COL24A1: variants seen among roughly 807,000 people sequenced by gnomAD.
COL24A1 encodes the protein collagen alpha-1(XXIV) chain.
Under a neutral mutation model 253.9 loss-of-function variants are expected in COL24A1, and 224 were observed. That is an observed-to-expected ratio of 0.88 (90% CI 0.79 to 0.99). The LOEUF is 0.99. Ranked by LOEUF, COL24A1 falls within the 50% of genes least tolerant of loss-of-function variation. The probability of loss-of-function intolerance (pLI) is 0.00; values close to 1 mark genes in which losing one functional copy is unlikely to be tolerated. For synonymous variants in COL24A1, 685 were observed against 673.7 expected, an observed-to-expected ratio of 1.02 and a Z score of -0.26; for missense variants, 2,131 against 2,068.5, an observed-to-expected ratio of 1.03 and a Z score of -0.59.
chr1:85,920,943 AAAAC>A (rs1686396085), intron 24 of COL24A1, among the ~76,000 whole-genome samples: 1 of 152,126 alleles, frequency 6.6e-6, no homozygotes, highest in Non-Finnish European at 1.5e-5. Flanking sequence ...AAAAAAAACA[AAAAC>A]AAAAGAAAGA....
chr1:86,072,552 T>A (rs939993430), intron 7 of COL24A1, among the ~76,000 whole-genome samples: 4 of 152,128 alleles, frequency 2.6e-5, no homozygotes, highest in African/African-American at 9.7e-5. Context: ...TGGCTGTGGG[T>A]GCAGCTTCAG....
At chr1:85,819,559 G>GT (rs945099123) in intron 45 of COL24A1, among the ~76,000 whole-genome samples, 1 of 152,018 alleles carries the variant, frequency 6.6e-6, no homozygotes, top group African/African-American at 2.4e-5. Flanking sequence ...TCAAAATCAT[G>GT]TTTTTTAAAC....
At chr1:86,048,737 G>A (rs1422685734) in intron 11 of COL24A1, among the ~76,000 whole-genome samples, 3 of 152,064 alleles carry the variant, frequency 2.0e-5, no homozygotes, top group East Asian at 1.9e-4. Context: ...TGATCCACCC[G>A]CCTCGGCCTC....
rs1236503140 is a variant in COL24A1 at position 86,156,424 on chromosome 1, C to A, written c.-28G>T. The stretch of plus-strand genomic sequence containing the variant: ...GTATGCATTTGTCCGTGCAGCAAAG[C>A]GCTAACGGAAAACAGAAGCCAACTC... On this transcript the variant is annotated 5_prime_UTR_variant, in exon 1 of 60. Transcript: ENST00000370571. 1 of 1,604,182 alleles carries A rather than the reference C, an allele frequency of 6.2e-7. No individual in the cohort carries two copies. Among genetic ancestry groups the A allele is most frequent in the Non-Finnish European group, 8.5e-7 (1 of 1,175,424 alleles).
chr1:86,114,200 C>G (rs1705900662), intron 4 of COL24A1, among the ~76,000 whole-genome samples: 1 of 151,992 alleles, frequency 6.6e-6, no homozygotes, highest in Admixed American at 6.5e-5. Context: ...ATTAGGAACA[C>G]AAGTAAAATA....
At chr1:85,942,001 A>C (rs1427062825) in intron 24 of COL24A1, among the ~76,000 whole-genome samples, 2 of 152,198 alleles carry the variant, frequency 1.3e-5, no homozygotes, top group Non-Finnish European at 2.9e-5. Flanking sequence ...TTGAAATTAC[A>C]GAAGTTCCCA....
At chr1:85,801,798 A>G (rs1671457103) in intron 47 of COL24A1, among the ~76,000 whole-genome samples, 1 of 152,212 alleles carries the variant, frequency 6.6e-6, no homozygotes, top group Non-Finnish European at 1.5e-5. Flanking sequence ...TTTAATTGCT[A>G]ACTTAATATC....
chr1:85,887,439 C>A (rs1270552215), intron 32 of COL24A1, among the ~76,000 whole-genome samples: 1 of 150,800 alleles, frequency 6.6e-6, no homozygotes, highest in Non-Finnish European at 1.5e-5. Flanking sequence ...TCTTTCTGTA[C>A]GTGTGTGATT....
At chr1:85,847,070 T>G (rs1677214119) in intron 39 of COL24A1, among the ~76,000 whole-genome samples, 1 of 152,176 alleles carries the variant, frequency 6.6e-6, no homozygotes, top group Non-Finnish European at 1.5e-5. Context: ...TTGCATCTCT[T>G]TCATGCTGAC....
intron 18 of COL24A1, among the ~76,000 whole-genome samples, chr1:86,017,728 CAA>C (rs1432617411): frequency 6.6e-6 from 1 of 152,142 alleles, no homozygotes; most frequent in Non-Finnish European, 1.5e-5. Context: ...CTAACATTCT[CAA>C]AGAGTCATTG....
Position 85,736,614 on chromosome 1 carries a change from G to A in COL24A1, c.4782+782C>T, listed in dbSNP as rs1664086255. The A allele has an allele frequency of 1.2e-5, 5 of 404,832 alleles. No homozygotes were observed. In the Admixed American group the frequency reaches 1.3e-4, roughly 11 times the overall value. The allele number at this position is 404,832 out of a possible 1,614,324, so 25.1% of individuals were successfully genotyped here. A position where few individuals can be genotyped will look rare whatever the true frequency, so the allele number is the denominator to read the frequency against. Reference sequence around the variant, plus strand: ...GTTAATGAAGAGAGGTGTTTTAGGAGGAGAGGGCGGTTCAATAAGAAGCAG... The same window carrying A: ...GTTAATGAAGAGAGGTGTTTTAGGAAGAGAGGGCGGTTCAATAAGAAGCAG... On this transcript the variant is annotated intron_variant, in intron 58 of 59. Coordinates refer to ENST00000370571, the MANE Select transcript of COL24A1 (RefSeq NM_152890.7).
intron 43 of COL24A1, among the ~76,000 whole-genome samples, chr1:85,832,399 G>C (rs1465438370): frequency 1.3e-5 from 2 of 151,950 alleles, no homozygotes; most frequent in Non-Finnish European, 2.9e-5. Context: ...AGGTTGACTT[G>C]GCAATGTGGG....
chr1:86,027,407 C>T (rs530445407), intron 14 of COL24A1, among the ~76,000 whole-genome samples: 19 of 152,310 alleles, frequency 1.2e-4, no homozygotes, highest in South Asian at 4.1e-4. Flanking sequence ...GGCCTAGAGC[C>T]TTGCTGCTTT....
At chr1:86,153,937 C>A (rs1352826832) in intron 1 of COL24A1, 2 of 152,092 alleles carry the variant, frequency 1.3e-5, no homozygotes, top group Admixed American at 6.6e-5. Context: ...AAAGACCCCA[C>A]AAAAGAAAGT....
intron 16 of COL24A1, 40 bp downstream of exon 16, chr1:86,022,793 G>T (rs754129337): frequency 1.1e-5 from 15 of 1,347,006 alleles, no homozygotes; most frequent in Non-Finnish European, 1.5e-5. Flanking sequence ...AAAGACAAAT[G>T]TGATAAAAAT....
At chr1:86,053,003 T>C (rs1700423626) in intron 10 of COL24A1, among the ~76,000 whole-genome samples, 1 of 152,084 alleles carries the variant, frequency 6.6e-6, no homozygotes, top group Non-Finnish European at 1.5e-5. Flanking sequence ...AGAGAATTTG[T>C]TCCTTTATAC....
chr1:85,776,230 A>C (rs931464036), intron 52 of COL24A1, among the ~76,000 whole-genome samples: 5 of 152,106 alleles, frequency 3.3e-5, no homozygotes, highest in Admixed American at 1.3e-4. Context: ...TTTAATTTTC[A>C]AGTGTTTGGA....
At chr1:85,801,900 T>C (rs1671466336) in intron 47 of COL24A1, among the ~76,000 whole-genome samples, 1 of 152,216 alleles carries the variant, frequency 6.6e-6, no homozygotes, top group African/African-American at 2.4e-5. Flanking sequence ...AGGTATTAAG[T>C]TGGAAACTTG....
intron 10 of COL24A1, among the ~76,000 whole-genome samples, chr1:86,057,515 G>C (rs4546948): frequency 0.022 from 3,386 of 152,120 alleles, 128 homozygotes; most frequent in African/African-American, 0.077. Context: ...ATACAATAAG[G>C]TTATTTCTTT....
Sources: gnomAD v4.1 joint callset for allele counts (sites outside exome capture counted in the v4.1 genomes callset) on GRCh38, gnomAD v4.1.1 for gene constraint, MANE v1.5 for transcripts, NCBI Gene and HGNC (gene_info 2026-07-23, HGNC 2026-07-21) for gene names.